Variants in LPP observed in about 807,000 individuals in gnomAD.
The protein encoded by LPP is lipoma-preferred partner.
A neutral mutation model predicts 60.4 loss-of-function variants in LPP; 38 were observed. The observed-to-expected ratio is 0.63, with a 90% confidence interval of 0.49 to 0.83. The LOEUF is 0.83. LPP is among the 40% of genes least tolerant of loss of function. The pLI is 0.00. For missense variants in LPP, 902 were observed against 783.6 expected (o/e 1.15, Z -1.80); for synonymous variants, 328 against 290.8 (o/e 1.13, Z -1.30).
intron 7 of LPP, among the ~76,000 whole-genome samples, chr3:188,664,474 C>T (rs1447089912): frequency 6.6e-6 from 1 of 152,140 alleles, no homozygotes; most frequent in African/African-American, 2.4e-5. Flanking sequence ...AAGTTCAAGT[C>T]CTGTGTATTC....
chr3:188,647,852 A>G (rs532960257), intron 7 of LPP, among the ~76,000 whole-genome samples: 1 of 152,128 alleles, frequency 6.6e-6, no homozygotes, highest in Non-Finnish European at 1.5e-5. Context: ...CCTCTTTCAT[A>G]ATTAAAGGTG....
At chr3:188,348,271 G>T (rs1764920372) in intron 3 of LPP, among the ~76,000 whole-genome samples, 2 of 151,992 alleles carry the variant, frequency 1.3e-5, no homozygotes, top group South Asian at 4.1e-4. Flanking sequence ...TTCAGCCTCT[G>T]TAGTAGCTGG....
At chr3:188,586,340 A>G (rs1018833603) in intron 6 of LPP, among the ~76,000 whole-genome samples, 6 of 152,180 alleles carry the variant, frequency 3.9e-5, no homozygotes, top group Non-Finnish European at 7.3e-5. Context: ...TGGTAATGAG[A>G]TATGATTATG....
intron 2 of LPP, among the ~76,000 whole-genome samples, chr3:188,243,169 C>T (rs1725589730): frequency 6.6e-6 from 1 of 152,154 alleles, no homozygotes; most frequent in Non-Finnish European, 1.5e-5. Context: ...ACAGCTGACA[C>T]AACCTGACAA....
rs75333195 is a variant in LPP at position 188,881,121 on chromosome 3, A to G, written c.*6642A>G. ...CGCCACTGCAGTCCGGCCTGGGCGAAAGAGCGAGACTCCGTCTCAAAAAAA... is the reference window on the plus strand; with the variant it reads ...CGCCACTGCAGTCCGGCCTGGGCGAGAGAGCGAGACTCCGTCTCAAAAAAA... On this transcript the variant is annotated 3_prime_UTR_variant, in exon 12 of 12. Transcript: ENST00000617246. 1 of 154,884 alleles carries G rather than the reference A, an allele frequency of 6.5e-6. No homozygotes were observed. The highest frequency in any genetic ancestry group is 1.4e-5 in the Non-Finnish European group (1 of 71,664). 9.6% of individuals were successfully genotyped at this position (154,884 alleles called of 1,614,324 possible). A position where few individuals can be genotyped will look rare whatever the true frequency, so the allele number is the denominator to read the frequency against.
At chr3:188,500,095 AT>A (rs1292903130) in intron 5 of LPP, among the ~76,000 whole-genome samples, 2 of 150,568 alleles carry the variant, frequency 1.3e-5, no homozygotes, top group African/African-American at 2.4e-5. Flanking sequence ...TGACACCTTT[AT>A]TTTTTTTTCT....
At chr3:188,190,493 C>G (rs886250404) in intron 1 of LPP, among the ~76,000 whole-genome samples, 1 of 152,200 alleles carries the variant, frequency 6.6e-6, no homozygotes, top group African/African-American at 2.4e-5. Flanking sequence ...CTTTCACGCT[C>G]TAACTGTGCC....
Position 188,281,514 on chromosome 3 carries a change from G to A in LPP, c.-67+55987G>A, listed in dbSNP as rs150463941. On this transcript the variant is annotated intron_variant, in intron 2 of 11. Transcript: ENST00000617246. The stretch of plus-strand genomic sequence containing the variant: ...AGCTACTTGGGAGGCTGAGGCAGGA[G>A]AATCGCTTGAACCCAGGAGGCGGAG... Among the ~76,000 whole-genome samples, 10 of 142,566 alleles carry A rather than the reference G, an allele frequency of 7.0e-5. No homozygotes were observed. The East Asian group carries it at 2.2e-3, about 31-fold the overall frequency. 93.5% of individuals were successfully genotyped at this position (142,566 alleles called of 152,430 possible). A position where few individuals can be genotyped will look rare whatever the true frequency, so the allele number is the denominator to read the frequency against.
chr3:188,890,517 T>C lies in LPP; in HGVS notation c.*16038T>C, dbSNP rs1441015686. On this transcript the variant is annotated 3_prime_UTR_variant, in exon 12 of 12. Transcript: ENST00000617246. Reference sequence around the variant, plus strand: ...TGCATTATCTGACTATATTAAAACCTGTTTTTCTATTTACCTTCTATCAGT... The same window carrying C: ...TGCATTATCTGACTATATTAAAACCCGTTTTTCTATTTACCTTCTATCAGT... The C allele has an allele frequency of 5.4e-6, 1 of 185,986 alleles. No homozygotes were observed. The highest frequency in any genetic ancestry group is 1.1e-5 in the Non-Finnish European group (1 of 88,044). The allele number at this position is 185,986 out of a possible 1,614,324, so 11.5% of individuals were successfully genotyped here. A position where few individuals can be genotyped will look rare whatever the true frequency, so the allele number is the denominator to read the frequency against.
chr3:188,557,721 G>A (rs930194608), intron 6 of LPP, among the ~76,000 whole-genome samples: 2 of 152,048 alleles, frequency 1.3e-5, no homozygotes, highest in Non-Finnish European at 2.9e-5. Context: ...GGAAACTAGA[G>A]GTTGTACAAG....
chr3:188,286,180 A>T (rs1424228825), intron 2 of LPP, among the ~76,000 whole-genome samples: 3 of 152,090 alleles, frequency 2.0e-5, no homozygotes, highest in Non-Finnish European at 4.4e-5. Flanking sequence ...CATGCCTGGG[A>T]CTTTCCCAGA....
At chr3:188,320,751 G>A (rs761203818) in intron 2 of LPP, among the ~76,000 whole-genome samples, 24 of 152,176 alleles carry the variant, frequency 1.6e-4, no homozygotes, top group Non-Finnish European at 3.2e-4. Context: ...GTAGCTTCAT[G>A]CACTGATGCA....
intron 7 of LPP, among the ~76,000 whole-genome samples, chr3:188,673,287 T>C (rs1391569156): frequency 6.7e-6 from 1 of 149,230 alleles, no homozygotes; most frequent in African/African-American, 2.5e-5. Context: ...TCAATTTACA[T>C]CATCTCATGA....
intron 5 of LPP, among the ~76,000 whole-genome samples, chr3:188,484,983 G>A (rs1489717538): frequency 6.6e-6 from 1 of 151,820 alleles, no homozygotes; most frequent in East Asian, 1.9e-4. Flanking sequence ...TTTTTTTTTA[G>A]GAATACTATT....
chr3:188,318,753 CTTTTTTTTTT>C (rs10708836), intron 2 of LPP, among the ~76,000 whole-genome samples: 15 of 96,884 alleles, frequency 1.5e-4, no homozygotes, highest in African/African-American at 3.4e-4. Context: ...AATTATGATT[CTTTTTTTTTT>C]TTTTTTTTTT....
At chr3:188,652,548 A>G (rs564933734) in intron 7 of LPP, among the ~76,000 whole-genome samples, 103 of 152,292 alleles carry the variant, frequency 6.8e-4, no homozygotes, top group African/African-American at 2.5e-3. Context: ...AAATGCAAAA[A>G]AAACCCTTTT....
chr3:188,523,560 A>G (rs1174988377), intron 5 of LPP, among the ~76,000 whole-genome samples: 1 of 152,230 alleles, frequency 6.6e-6, no homozygotes, highest in African/African-American at 2.4e-5. Flanking sequence ...TTCAAGGGTT[A>G]TAAGATTTAG....
intron 1 of LPP, among the ~76,000 whole-genome samples, chr3:188,195,524 A>G (rs1179728898): frequency 6.6e-6 from 1 of 152,236 alleles, no homozygotes; most frequent in African/African-American, 2.4e-5. Flanking sequence ...AGAAAAAAAT[A>G]CACAGCATGC....
chr3:188,350,902 C>T (rs1248367726), intron 3 of LPP, among the ~76,000 whole-genome samples: 1 of 152,118 alleles, frequency 6.6e-6, no homozygotes, highest in Non-Finnish European at 1.5e-5. Flanking sequence ...TAAAATACAC[C>T]CCTTGCCATT....
Sources: allele counts gnomAD v4.1 joint callset (sites outside exome capture counted in the v4.1 genomes callset), GRCh38; gene constraint gnomAD v4.1.1; transcripts MANE v1.5; gene names NCBI Gene and HGNC (gene_info 2026-07-23, HGNC 2026-07-21).